Variants in MICAL2 observed in about 807,000 individuals in gnomAD.
MICAL2 encodes the protein [F-actin]-monooxygenase MICAL2.
A neutral mutation model predicts 127.3 loss-of-function variants in MICAL2; 77 were observed. That is an observed-to-expected ratio of 0.60 (90% confidence interval 0.50 to 0.73). The LOEUF is 0.73. MICAL2 is among the 30% of genes least tolerant of loss of function. The probability of loss-of-function intolerance (pLI) is 0.00; values close to 1 mark genes in which losing one functional copy is unlikely to be tolerated. For synonymous variants in MICAL2, 570 were observed against 551.1 expected (o/e 1.03, Z -0.48); for missense variants, 1,351 against 1,434.4 (o/e 0.94, Z 0.94).
chr11:12,111,833 T>C (rs1849630352), intron 1 of MICAL2, among the ~76,000 whole-genome samples: 1 of 152,216 alleles, frequency 6.6e-6, no homozygotes, highest in African/African-American at 2.4e-5. Flanking sequence ...CACCTGCACT[T>C]ACTCTGTCCT....
intron 32 of MICAL2, among the ~76,000 whole-genome samples, chr11:12,332,006 G>T (rs1235928327): frequency 6.6e-6 from 1 of 152,066 alleles, no homozygotes; most frequent in Non-Finnish European, 1.5e-5. Flanking sequence ...CATGAATTTT[G>T]CATGCCTGAT....
chr11:12,298,598 C>T (rs1369265155), intron 29 of MICAL2, among the ~76,000 whole-genome samples: 1 of 151,966 alleles, frequency 6.6e-6, no homozygotes, highest in Admixed American at 6.6e-5. Context: ...GGTGTTTTTC[C>T]CAGTTAAGCA....
chr11:12,297,169 G>A (rs1863995196), downstream of MICAL2, among the ~76,000 whole-genome samples: 4 of 152,278 alleles, frequency 2.6e-5, no homozygotes, highest in South Asian at 8.3e-4. Context: ...ATTCCCAGCA[G>A]CAAAGTATGA....
intron 32 of MICAL2, among the ~76,000 whole-genome samples, chr11:12,341,484 G>A (rs1419675974): frequency 5.9e-5 from 9 of 151,912 alleles, no homozygotes; most frequent in Non-Finnish European, 1.5e-5. Context: ...AAAGACATAA[G>A]TTTAAAGAAT....
At chr11:12,346,633 C>T (rs533244021) in intron 32 of MICAL2, among the ~76,000 whole-genome samples, 2 of 152,180 alleles carry the variant, frequency 1.3e-5, no homozygotes, top group Admixed American at 6.5e-5. Flanking sequence ...GGCTTTCCCT[C>T]GCTTTCTCCA....
At chr11:12,267,858 G>A (rs1012700772), downstream of MICAL2, among the ~76,000 whole-genome samples, 2 of 152,170 alleles carry the variant, frequency 1.3e-5, no homozygotes, top group Non-Finnish European at 2.9e-5. Flanking sequence ...TTCCCAAAGT[G>A]CTGGGATTAC....
At chr11:12,323,250 C>T (rs755018710) in intron 30 of MICAL2, among the ~76,000 whole-genome samples, 2 of 152,156 alleles carry the variant, frequency 1.3e-5, no homozygotes, top group African/African-American at 2.4e-5. Flanking sequence ...ACACACACAC[C>T]CAGTGACAGT....
At chr11:12,121,176 CTG>C (rs1189303639) in intron 1 of MICAL2, among the ~76,000 whole-genome samples, 3 of 152,214 alleles carry the variant, frequency 2.0e-5, no homozygotes, top group Admixed American at 6.5e-5. Context: ...GCTCTTGACT[CTG>C]TGTAGCAAAC....
chr11:12,266,148 A>G (rs1214828952), downstream of MICAL2, among the ~76,000 whole-genome samples: 1 of 152,188 alleles, frequency 6.6e-6, no homozygotes, highest in African/African-American at 2.4e-5. Flanking sequence ...GCATCTACTG[A>G]ATTAGTAAAG....
intron 13 of MICAL2, chr11:12,225,697 A>C (rs1857332706): frequency 6.3e-6 from 1 of 158,880 alleles, no homozygotes; most frequent in Non-Finnish European, 1.4e-5. Flanking sequence ...CATGTTGGCC[A>C]GCCTGGTCTC....
chr11:12,265,102 G>C (rs1254240552), downstream of MICAL2, among the ~76,000 whole-genome samples: 1 of 152,216 alleles, frequency 6.6e-6, no homozygotes, highest in Non-Finnish European at 1.5e-5. Context: ...CAACAAAGGA[G>C]TCCATGATCA....
At chr11:12,233,999 A>G (rs2010576) in intron 15 of MICAL2, among the ~76,000 whole-genome samples, 88,654 of 152,082 alleles carry the variant, frequency 0.58, 26,492 homozygotes, top group Middle Eastern at 0.69. Flanking sequence ...ATTTGGGTAT[A>G]TGTGTTGCTA....
intron 2 of MICAL2, among the ~76,000 whole-genome samples, chr11:12,144,224 G>A (rs892255621): frequency 6.6e-6 from 1 of 152,142 alleles, no homozygotes; most frequent in African/African-American, 2.4e-5. Flanking sequence ...TGGAACAGTT[G>A]GGGCTTATTT....
intron 1 of MICAL2, among the ~76,000 whole-genome samples, chr11:12,127,364 C>T (rs1564996987): frequency 6.6e-6 from 1 of 152,192 alleles, no homozygotes; most frequent in Non-Finnish European, 1.5e-5. Flanking sequence ...GCACTGCTCT[C>T]AGTGCTGGGT....
At position 12,286,901 on chromosome 11, in the gene MICAL2, A is replaced by T. The variant is rs142931474; in HGVS notation, c.255-186A>T. On this transcript the variant is annotated intron_variant, in intron 2 of 2. Transcript: ENST00000529028. ...ATATTTGATGTGTGAACAAATGAAAAGTTTGGTAGAGTGTGTTGTGGGGAC... is the reference window on the plus strand; with the variant it reads ...ATATTTGATGTGTGAACAAATGAAATGTTTGGTAGAGTGTGTTGTGGGGAC... 4.6e-4 allele frequency: 175 copies of T among 379,500 alleles called. 1 individual carries two copies. The highest frequency in any genetic ancestry group is 3.2e-3 in the African/African-American group (154 of 48,278). 23.5% of individuals were successfully genotyped at this position (379,500 alleles called of 1,614,324 possible).
intron 22 of MICAL2, among the ~76,000 whole-genome samples, chr11:12,251,587 A>G (rs1372101540): frequency 6.9e-6 from 1 of 145,794 alleles, no homozygotes; most frequent in Non-Finnish European, 1.5e-5. Flanking sequence ...TAAAAAAAAA[A>G]AAAAAAAAAA....
At chr11:12,276,228 G>A (rs918095504) in intron 1 of MICAL2, 57 of 370,768 alleles carry the variant, frequency 1.5e-4, no homozygotes, top group African/African-American at 1.4e-3. Flanking sequence ...AATCACATTT[G>A]GGATTGGGTC....
chr11:12,165,465 T>C (rs1855390521), intron 3 of MICAL2, among the ~76,000 whole-genome samples: 1 of 152,252 alleles, frequency 6.6e-6, no homozygotes, highest in Non-Finnish European at 1.5e-5. Context: ...TTTGCATACA[T>C]GTGGCTGATC....
intron 26 of MICAL2, chr11:12,260,209 G>A: frequency 6.8e-7 from 1 of 1,465,408 alleles, no homozygotes; most frequent in Non-Finnish European, 9.0e-7. Flanking sequence ...CACATTTCCA[G>A]GGAGGCTTCA....
Sources: allele counts gnomAD v4.1 joint callset (sites outside exome capture counted in the v4.1 genomes callset), GRCh38; gene constraint gnomAD v4.1.1; transcripts MANE v1.5; gene names NCBI Gene and HGNC (gene_info 2026-07-23, HGNC 2026-07-21).